Variants in POTEC observed in about 807,000 individuals in gnomAD.
The protein encoded by POTEC is POTE ankyrin domain family member C, also known as ANKRD26-like family B member 2.
In POTEC, 35 loss-of-function variants were observed where a neutral mutation model predicts 62.0. The ratio of observed to expected loss-of-function variants is 0.56; its 90% CI spans 0.43 to 0.75. The LOEUF (loss-of-function observed/expected upper bound fraction) is 0.75. POTEC is among the 30% of genes least tolerant of loss of function. The probability of loss-of-function intolerance (pLI) is 0.00; values close to 1 mark genes in which losing one functional copy is unlikely to be tolerated. For missense variants in POTEC, 472 were observed against 655.9 expected, an observed-to-expected ratio of 0.72 and a Z score of 3.06; for synonymous variants, 156 against 221.5, an observed-to-expected ratio of 0.70 and a Z score of 2.62.
chr18:14,539,967 C>T (rs1385406621), intron 1 of POTEC, among the ~76,000 whole-genome samples: 1 of 152,010 alleles, frequency 6.6e-6, no homozygotes, highest in Admixed American at 6.6e-5. Flanking sequence ...AATGGATAAA[C>T]ATAGGTTGGA....
Position 14,542,971 on chromosome 18 carries a change from C to A in POTEC, c.176G>T (p.Ser59Ile). ...GTGGTGGCAACACTTGCCCATCTTG[C>A]TCCTGAGCATCTTCATAAAGGAGTC... ...HDDSFMKMLR[S>I]KMGKCCHHCF... The change falls in exon 1 of 11, where the codon AGC becomes ATC. Residue 59 changes from serine (S) to isoleucine (I), a missense_variant. Coordinates refer to ENST00000358970, the MANE Select transcript of POTEC (RefSeq NM_001137671.2). 1 of 1,573,866 alleles carries A rather than the reference C, an allele frequency of 6.4e-7. No homozygotes were observed. Among genetic ancestry groups the A allele is most frequent in the African/African-American group, 1.4e-5 (1 of 73,456 alleles).
intron 1 of POTEC, among the ~76,000 whole-genome samples, chr18:14,540,295 G>A (rs561384694): frequency 6.6e-6 from 1 of 152,226 alleles, no homozygotes; most frequent in African/African-American, 2.4e-5. Context: ...TATGCAAGTA[G>A]CATATTCCTT....
In POTEC at chr18:14,508,657, T is replaced by A. The variant is rs539244724; in HGVS notation, c.*3241A>T. On this transcript the variant is annotated 3_prime_UTR_variant, in exon 11 of 11. Coordinates refer to ENST00000358970, the MANE Select transcript of POTEC (RefSeq NM_001137671.2). Reference sequence around the variant, plus strand: ...GATTTTTAGCTTCCTTGTATTGGATTACAACATACTTCTTTCACTCAATGA... The same window carrying A: ...GATTTTTAGCTTCCTTGTATTGGATAACAACATACTTCTTTCACTCAATGA... 1 of 152,644 alleles carries A rather than the reference T, an allele frequency of 6.6e-6. No individual in the cohort carries two copies. Among genetic ancestry groups the A allele is most frequent in the Admixed American group, 6.5e-5 (1 of 15,280 alleles). The allele number at this position is 152,644 out of a possible 1,614,324, so 9.5% of individuals were successfully genotyped here. A position where few individuals can be genotyped will look rare whatever the true frequency, so the allele number is the denominator to read the frequency against.
chr18:14,516,300 A>ATTTCTTT (rs1910152379), intron 9 of POTEC, among the ~76,000 whole-genome samples: 1 of 22,156 alleles, frequency 4.5e-5, no homozygotes, highest in Non-Finnish European at 8.8e-5. Context: ...AGAAAATTTT[A>ATTTCTTT]TATATATATA....
intron 9 of POTEC, among the ~76,000 whole-genome samples, chr18:14,514,152 A>T (rs1042775932): frequency 1.3e-4 from 20 of 152,052 alleles, no homozygotes; most frequent in African/African-American, 4.1e-4. Context: ...AGATGGTCTC[A>T]TCTAGGGGTG....
In POTEC at chr18:14,509,677, C is replaced by T. The variant is rs1263958632; in HGVS notation, c.*2221G>A. On this transcript the variant is annotated 3_prime_UTR_variant, in exon 11 of 11. Transcript: ENST00000358970. ...CTATGGTGTGGGCACCCGAAAGTGC[C>T]CTCTAAGCAGGTGTGGCCTGGCTGG... The T allele has an allele frequency of 6.7e-6, 1 of 150,298 alleles. No homozygotes were observed. The highest frequency in any genetic ancestry group is 1.5e-5 in the Non-Finnish European group (1 of 67,534). The allele number at this position is 150,298 out of a possible 1,614,324, so 9.3% of individuals were successfully genotyped here. A position where few individuals can be genotyped will look rare whatever the true frequency, so the allele number is the denominator to read the frequency against.
At chr18:14,539,470 T>C (rs1905861046) in intron 1 of POTEC, among the ~76,000 whole-genome samples, 1 of 141,042 alleles carries the variant, frequency 7.1e-6, no homozygotes, top group Non-Finnish European at 1.5e-5. Flanking sequence ...GTTGCTTCCC[T>C]CTAGGTGTCT....
At chr18:14,529,209 T>C (rs1395510239) in intron 6 of POTEC, among the ~76,000 whole-genome samples, 1 of 151,996 alleles carries the variant, frequency 6.6e-6, no homozygotes, top group Non-Finnish European at 1.5e-5. Flanking sequence ...CTGAATAAAG[T>C]AGTAAAATAA....
intron 6 of POTEC, chr18:14,528,021 A>G (rs1250382167): frequency 6.6e-6 from 1 of 152,210 alleles, no homozygotes; most frequent in African/African-American, 2.4e-5. Context: ...TTGGCTTTGT[A>G]AATAAAGTTT....
intron 9 of POTEC, among the ~76,000 whole-genome samples, chr18:14,517,215 G>A (rs990711330): frequency 6.6e-6 from 1 of 151,940 alleles, no homozygotes; most frequent in African/African-American, 2.4e-5. Context: ...GTTAATTGAA[G>A]GCAACTTTTA....
intron 9 of POTEC, among the ~76,000 whole-genome samples, chr18:14,516,338 C>CTATATATATATATA (rs1567910128): frequency 1.3e-4 from 4 of 30,232 alleles, no homozygotes; most frequent in Admixed American, 4.6e-4. Context: ...ATATATATAC[C>CTATATATATATATA]TATACCTGAG....
chr18:14,531,079 G>A (rs1905497646), intron 5 of POTEC, among the ~76,000 whole-genome samples: 2 of 152,132 alleles, frequency 1.3e-5, no homozygotes, highest in African/African-American at 4.8e-5. Flanking sequence ...TTTGTTCATA[G>A]GTTCTAATAT....
At chr18:14,524,889 A>G (rs776195572) in intron 7 of POTEC, 24 bp downstream of exon 7, 2 of 1,602,538 alleles carry the variant, frequency 1.2e-6, no homozygotes, top group East Asian at 4.5e-5. Flanking sequence ...TAAATCAAAA[A>G]TTTAAATTTA....
intron 9 of POTEC, among the ~76,000 whole-genome samples, chr18:14,515,553 G>T (rs1352516603): frequency 6.6e-6 from 1 of 152,012 alleles, no homozygotes; most frequent in African/African-American, 2.4e-5. Flanking sequence ...ATTCAAGATG[G>T]ATTAATGGCC....
intron 7 of POTEC, among the ~76,000 whole-genome samples, chr18:14,523,986 T>C (rs1910374165): frequency 6.6e-6 from 1 of 152,154 alleles, no homozygotes; most frequent in Non-Finnish European, 1.5e-5. Context: ...CCTAATTGGA[T>C]TGTAGGCACG....
intron 1 of POTEC, 140 bp from the exon 2 acceptor site, chr18:14,538,389 C>T (rs1317238706): frequency 3.2e-6 from 2 of 624,380 alleles, no homozygotes; most frequent in Admixed American, 2.9e-5. Context: ...AAGCACACTA[C>T]TTATTACCTC....
chr18:14,516,298 TTATATA>T (rs200611192), intron 9 of POTEC, among the ~76,000 whole-genome samples: 4,153 of 25,256 alleles, frequency 0.16, 725 homozygotes, highest in Non-Finnish European at 0.2. Flanking sequence ...AAAGAAAATT[TTATATA>T]TATATATATA....
At chr18:14,542,580 C>T in intron 1 of POTEC, 46 bp downstream of exon 1, 2 of 1,611,356 alleles carry the variant, frequency 1.2e-6, no homozygotes, top group Non-Finnish European at 1.7e-6. Flanking sequence ...GGTATGTCCC[C>T]ATCATCCCCC....
At chr18:14,516,673 T>C (rs1437633321) in intron 9 of POTEC, among the ~76,000 whole-genome samples, 1 of 125,060 alleles carries the variant, frequency 8.0e-6, no homozygotes, top group Non-Finnish European at 1.7e-5. Context: ...TGGGGGGGGG[T>C]GTATCCTTAC....
Sources: gnomAD v4.1 joint callset for allele counts (sites outside exome capture counted in the v4.1 genomes callset) on GRCh38, gnomAD v4.1.1 for gene constraint, MANE v1.5 for transcripts, NCBI Gene and HGNC (gene_info 2026-07-23, HGNC 2026-07-21) for gene names.